Variants in SPAG6 observed in about 807,000 individuals in gnomAD.
The protein encoded by SPAG6 is sperm-associated antigen 6.
Under a neutral mutation model 58.5 loss-of-function variants are expected in SPAG6, and 49 were observed. The ratio of observed to expected loss-of-function variants is 0.84; its 90% CI spans 0.67 to 1.06. The LOEUF is 1.06. Ranked by LOEUF, SPAG6 falls within the 50% of genes least tolerant of loss-of-function variation. The pLI is 0.00. For synonymous variants in SPAG6, 233 were observed against 225.6 expected, an observed-to-expected ratio of 1.03 and a Z score of -0.29; for missense variants, 560 against 611.3, an observed-to-expected ratio of 0.92 and a Z score of 0.89.
intron 4 of SPAG6, among the ~76,000 whole-genome samples, chr10:22,378,760 TTTCTCACTTTCCTTTTGTCTGGTCTCCAC>T (rs959295237): frequency 6.6e-6 from 1 of 152,152 alleles, no homozygotes; most frequent in African/African-American, 2.4e-5. Context: ...TTTTGTTTTT[TTTCTCACTTTCCTTTTGTCTGGTCTCCAC>T]TTCTTGACTT....
chr10:22,386,218 G>T (rs1006372468), intron 4 of SPAG6, among the ~76,000 whole-genome samples: 1 of 151,998 alleles, frequency 6.6e-6, no homozygotes, highest in African/African-American at 2.4e-5. Flanking sequence ...CAATGAAAAG[G>T]CAGCTTTCTA....
chr10:22,354,993 CAA>C (rs1197423245), intron 2 of SPAG6, among the ~76,000 whole-genome samples: 8 of 75,478 alleles, frequency 1.1e-4, no homozygotes, highest in Admixed American at 4.5e-4. Flanking sequence ...GACTCCGTCT[CAA>C]AAAAAAAAAA....
At chr10:22,411,840 CTTTTTTTTT>C (rs546172800) in intron 10 of SPAG6, among the ~76,000 whole-genome samples, 2 of 66,750 alleles carry the variant, frequency 3.0e-5, no homozygotes, top group Admixed American at 2.0e-4. Context: ...ACAACTGAAT[CTTTTTTTTT>C]TTTTTTTTTT....
intron 8 of SPAG6, among the ~76,000 whole-genome samples, chr10:22,397,381 C>A (rs528580443): frequency 2.2e-4 from 33 of 152,326 alleles, no homozygotes; most frequent in African/African-American, 7.9e-4. Context: ...GGTGCAATCT[C>A]AGCTTACTGC....
chr10:22,398,276 T>G (rs1449344055), intron 8 of SPAG6, among the ~76,000 whole-genome samples: 3 of 152,236 alleles, frequency 2.0e-5, no homozygotes, highest in African/African-American at 4.8e-5. Context: ...TAAATATAAG[T>G]GTTAAGATTA....
intron 10 of SPAG6, among the ~76,000 whole-genome samples, chr10:22,414,482 A>G (rs1834823045): frequency 6.6e-6 from 1 of 152,174 alleles, no homozygotes; most frequent in South Asian, 2.1e-4. Flanking sequence ...CTTGAAGGTA[A>G]TAGTTAACCC....
Position 22,401,237 on chromosome 10 carries a change from C to T in SPAG6, c.1274C>T (p.Pro425Leu). Residue 425 changes from proline (P) to leucine (L), a missense_variant, in exon 9 of 11, where the codon CCT becomes CTT. By Grantham distance (98) the Pro-to-Leu change is moderately conservative. Coordinates refer to ENST00000376624, the MANE Select transcript of SPAG6 (RefSeq NM_012443.4). ...CTTGAACCATTTCTATATGATGCTC[C>T]TCCCAATATTCTGAAACATGTGGTT... is the stretch of plus-strand genomic sequence containing the variant. ...PALEPFLYDA[P>L]PNILKHVVGQ... is the part of the protein sequence containing the mutation. 6.2e-6 allele frequency: 10 copies of T among 1,602,494 alleles called. No homozygotes were observed. Among genetic ancestry groups the T allele is most frequent in the Non-Finnish European group, 7.7e-6 (9 of 1,169,674 alleles).
intron 4 of SPAG6, among the ~76,000 whole-genome samples, chr10:22,379,650 C>T (rs1264996787): frequency 6.6e-6 from 1 of 152,214 alleles, no homozygotes; most frequent in Non-Finnish European, 1.5e-5. Flanking sequence ...TGAGCCTGAA[C>T]CTGGCAGGTA....
intron 5 of SPAG6, 115 bp downstream of exon 5, chr10:22,387,074 CAG>C: frequency 5.4e-6 from 4 of 745,650 alleles, no homozygotes; most frequent in Non-Finnish European, 6.8e-6. Context: ...TCATTGAAAA[CAG>C]ATATGAATAT....
At chr10:22,414,682 C>T (rs1397666756) in intron 10 of SPAG6, among the ~76,000 whole-genome samples, 1 of 152,122 alleles carries the variant, frequency 6.6e-6, no homozygotes, top group African/African-American at 2.4e-5. Context: ...ACACTTGATT[C>T]AGTTATTGGA....
rs532029197 is a variant in SPAG6, at chr10:22,400,853, A to G, written c.1198-308A>G. Among the ~76,000 whole-genome samples the G allele has an allele frequency of 3.2e-4, 49 of 152,278 alleles. No individual in the cohort carries two copies. In the Middle Eastern group the frequency reaches 0.01, roughly 32 times the overall value. On this transcript the variant is annotated intron_variant, in intron 8 of 10. Coordinates refer to ENST00000376624, the MANE Select transcript of SPAG6 (RefSeq NM_012443.4). ...CCTGTATACAAATTTTTACTCTAAT[A>G]TAGTACATATTAATTTATAGTCTGT... is the stretch of plus-strand genomic sequence containing the variant.
chr10:22,379,005 C>T (rs1833888079), intron 4 of SPAG6, among the ~76,000 whole-genome samples: 1 of 152,170 alleles, frequency 6.6e-6, no homozygotes, highest in Non-Finnish European at 1.5e-5. Flanking sequence ...CTCAAACACT[C>T]AACCCATGTG....
At chr10:22,396,345 C>G (rs1430404819) in intron 8 of SPAG6, among the ~76,000 whole-genome samples, 2 of 152,104 alleles carry the variant, frequency 1.3e-5, no homozygotes, top group African/African-American at 4.8e-5. Flanking sequence ...TCAGGGGTTT[C>G]CACTTTTGCA....
intron 2 of SPAG6, among the ~76,000 whole-genome samples, chr10:22,358,165 C>G (rs1377680225): frequency 6.6e-6 from 1 of 152,190 alleles, no homozygotes; most frequent in African/African-American, 2.4e-5. Context: ...GCCACACTGA[C>G]TTCAACAATG....
intron 2 of SPAG6, among the ~76,000 whole-genome samples, chr10:22,354,376 G>T (rs1297002418): frequency 6.6e-6 from 1 of 152,052 alleles, no homozygotes; most frequent in Non-Finnish European, 1.5e-5. Context: ...CCATTCATCT[G>T]TAGAGAAAGG....
At chr10:22,392,752 A>G (rs1834210443) in intron 8 of SPAG6, among the ~76,000 whole-genome samples, 1 of 152,122 alleles carries the variant, frequency 6.6e-6, no homozygotes, top group Non-Finnish European at 1.5e-5. Flanking sequence ...TTTAGATGGC[A>G]TAATGAGATG....
intron 8 of SPAG6, among the ~76,000 whole-genome samples, chr10:22,396,826 A>G (rs1293606318): frequency 6.6e-6 from 1 of 152,184 alleles, no homozygotes; most frequent in Admixed American, 6.5e-5. Flanking sequence ...ATGCTATGCT[A>G]GTTAATAGGT....
chr10:22,390,077 T>A (rs887058934), intron 7 of SPAG6, among the ~76,000 whole-genome samples: 5 of 152,144 alleles, frequency 3.3e-5, no homozygotes, highest in African/African-American at 1.2e-4. Context: ...GGATTTTTTT[T>A]ATCCCTTACT....
chr10:22,394,053 T>C (rs913819426), intron 8 of SPAG6, among the ~76,000 whole-genome samples: 1 of 152,210 alleles, frequency 6.6e-6, no homozygotes, highest in Non-Finnish European at 1.5e-5. Context: ...TGGAGAAATA[T>C]CTATTGAGAC....
Sources: allele counts gnomAD v4.1 joint callset (sites outside exome capture counted in the v4.1 genomes callset), GRCh38; gene constraint gnomAD v4.1.1; transcripts MANE v1.5; gene names NCBI Gene and HGNC (gene_info 2026-07-23, HGNC 2026-07-21).